The following TNR variants were observed in gnomAD, a reference collection of about 807,000 sequenced individuals.
TNR encodes the protein tenascin R, also known as tenascin-R.
A neutral mutation model predicts 150.4 loss-of-function variants in TNR; 45 were observed. The observed-to-expected ratio is 0.30, with a 90% confidence interval of 0.24 to 0.38. The LOEUF is 0.38. TNR is among the 10% of genes least tolerant of loss of function. TNR has a pLI of 1.00. For missense variants in TNR, 1,544 were observed against 1,759.1 expected, an observed-to-expected ratio of 0.88 and a Z score of 2.19; for synonymous variants, 687 against 678.4, an observed-to-expected ratio of 1.01 and a Z score of -0.20.
intron 2 of TNR, among the ~76,000 whole-genome samples, chr1:175,410,970 G>A (rs1654186336): frequency 6.6e-6 from 1 of 152,184 alleles, no homozygotes; most frequent in Admixed American, 6.5e-5. Flanking sequence ...TTCTTTAGGT[G>A]GAGAAGGCCA....
rs550293775 is a variant in TNR, at chr1:175,609,251, T to C, written c.-164-80882A>G. Among the ~76,000 whole-genome samples the C allele has an allele frequency of 1.8e-4, 28 of 152,284 alleles. 1 individual carries two copies. The highest frequency in any genetic ancestry group is 6.0e-4 in the African/African-American group (25 of 41,558). ...CATCTGTAACCCAGTTTGACTTATA[T>C]AAATATTAAACACAAATCAATAATC... On this transcript the variant is annotated intron_variant, in intron 1 of 22. Transcript: ENST00000367674.
intron 1 of TNR, among the ~76,000 whole-genome samples, chr1:175,536,752 T>A (rs1376446774): frequency 6.6e-6 from 1 of 152,202 alleles, no homozygotes; most frequent in African/African-American, 2.4e-5. Flanking sequence ...TTTTTGGTCA[T>A]CTCTTCCAGG....
intron 20 of TNR, among the ~76,000 whole-genome samples, chr1:175,330,766 A>G (rs1649706554): frequency 6.6e-6 from 1 of 152,224 alleles, no homozygotes; most frequent in South Asian, 2.1e-4. Flanking sequence ...CTGGGGCTCC[A>G]TAGCCAGGTC....
At position 175,628,810 on chromosome 1, in the gene TNR, A is replaced by G. The variant is rs577805882; in HGVS notation, c.-164-100441T>C. 4.1e-4 allele frequency among the ~76,000 whole-genome samples: 62 copies of G among 152,332 alleles called. 1 individual carries two copies. The South Asian group carries it at 0.013, about 32-fold the overall frequency. On this transcript the variant is annotated intron_variant, in intron 1 of 22. Transcript: ENST00000367674. Reference sequence around the variant, plus strand: ...AAGAGAAGCCCATCCATCGTCTTCAATGGTGGTGCCAATTCATTCCACTTG... The same window carrying G: ...AAGAGAAGCCCATCCATCGTCTTCAGTGGTGGTGCCAATTCATTCCACTTG...
At chr1:175,583,576 G>A (rs945938254) in intron 1 of TNR, among the ~76,000 whole-genome samples, 4 of 152,178 alleles carry the variant, frequency 2.6e-5, no homozygotes, top group African/African-American at 9.7e-5. Context: ...CAGAAGAGGA[G>A]GGCACTGGGA....
At chr1:175,517,012 TGAGAGAGAGAGA>T (rs58416273) in intron 2 of TNR, among the ~76,000 whole-genome samples, 5,830 of 120,468 alleles carry the variant, frequency 0.048, 241 homozygotes, top group African/African-American at 0.13. Flanking sequence ...ATCTGAAAGC[TGAGAGAGAGAGA>T]GAGAGAGAGA....
intron 1 of TNR, among the ~76,000 whole-genome samples, chr1:175,736,923 A>G (rs1474103151): frequency 6.6e-6 from 1 of 152,050 alleles, no homozygotes; most frequent in Non-Finnish European, 1.5e-5. Context: ...CAGGGGGCTG[A>G]GGTGGAGGGA....
chr1:175,433,454 C>A (rs959475423), intron 2 of TNR, among the ~76,000 whole-genome samples: 11 of 152,166 alleles, frequency 7.2e-5, no homozygotes, highest in African/African-American at 2.7e-4. Flanking sequence ...TCCAACAAAC[C>A]CTTCACAGAA....
At chr1:175,354,329 T>G in intron 18 of TNR, 62 bp downstream of exon 18, 1 of 1,591,086 alleles carries the variant, frequency 6.3e-7, no homozygotes. Flanking sequence ...CAGCAGAGGC[T>G]GCTGATGAGC....
intron 19 of TNR, 50 bp downstream of exon 19, chr1:175,337,478 C>G (rs1396917689): frequency 1.2e-6 from 2 of 1,609,400 alleles, no homozygotes; most frequent in East Asian, 4.5e-5. Flanking sequence ...GCTAGGTAGA[C>G]TAGAACACTG....
chr1:175,736,833 T>G (rs1418195698), intron 1 of TNR, among the ~76,000 whole-genome samples: 1 of 150,924 alleles, frequency 6.6e-6, no homozygotes, highest in Non-Finnish European at 1.5e-5. Flanking sequence ...GGGCAATATA[T>G]CAAGACCTCC....
chr1:175,358,227 T>C (rs1245794927), intron 15 of TNR, among the ~76,000 whole-genome samples: 1 of 152,206 alleles, frequency 6.6e-6, no homozygotes, highest in Non-Finnish European at 1.5e-5. Context: ...ATGCTATCCC[T>C]TCTTCATGGA....
intron 1 of TNR, among the ~76,000 whole-genome samples, chr1:175,571,979 AAGGAAACAAACACCCT>A (rs1445444047): frequency 6.6e-6 from 1 of 152,122 alleles, no homozygotes; most frequent in East Asian, 1.9e-4. Flanking sequence ...TAAAACAAAT[AAGGAAACAAACACCCT>A]AGGTGTTTGT....
At chr1:175,673,949 G>C (rs554887902) in intron 1 of TNR, among the ~76,000 whole-genome samples, 18 of 152,372 alleles carry the variant, frequency 1.2e-4, no homozygotes, top group South Asian at 8.3e-4. Flanking sequence ...CCTAGGAGGT[G>C]CTGGAGGCAC....
intron 15 of TNR, among the ~76,000 whole-genome samples, chr1:175,358,058 G>A (rs1478812367): frequency 6.6e-6 from 1 of 152,178 alleles, no homozygotes; most frequent in Non-Finnish European, 1.5e-5. Flanking sequence ...GGCAAATGGG[G>A]GAGTTTCCTG....
In TNR at chr1:175,379,659, G is replaced by C; in HGVS notation, c.1856C>G (p.Ala619Gly). ...SLDLEWDNSE[A>G]EVQEYKVVYS... is the part of the protein sequence containing the mutation. ...CACAACCTTGTACTCCTGAACTTCG[G>C]CTTCACTGTTATCCCACTCGAGGTC... Residue 619 changes from alanine to glycine, a missense_variant, in exon 9 of 23, where the codon GCC becomes GGC. Physicochemically the swap from Ala to Gly is moderately conservative, Grantham distance 60. Transcript: ENST00000367674. 1.2e-6 allele frequency: 2 copies of C among 1,614,176 alleles called. No homozygotes were observed. The highest frequency in any genetic ancestry group is 1.7e-6 in the Non-Finnish European group (2 of 1,180,032).
intron 1 of TNR, among the ~76,000 whole-genome samples, chr1:175,588,058 GA>G (rs1185499684): frequency 2.0e-5 from 3 of 152,310 alleles, no homozygotes; most frequent in South Asian, 4.1e-4. Flanking sequence ...AGAGGGATTG[GA>G]TTTGTCTTGC....
intron 1 of TNR, among the ~76,000 whole-genome samples, chr1:175,686,932 A>C (rs1475550163): frequency 6.6e-6 from 1 of 152,128 alleles, no homozygotes; most frequent in African/African-American, 2.4e-5. Context: ...GCTACTGTGG[A>C]TAGTGCTGTG....
At chr1:175,696,027 T>C (rs1175206123) in intron 1 of TNR, among the ~76,000 whole-genome samples, 1 of 152,224 alleles carries the variant, frequency 6.6e-6, no homozygotes, top group Non-Finnish European at 1.5e-5. Context: ...GATAGATTAA[T>C]ATTAGCCAAT....
Sources: allele counts gnomAD v4.1 joint callset (sites outside exome capture counted in the v4.1 genomes callset), GRCh38; gene constraint gnomAD v4.1.1; transcripts MANE v1.5; gene names NCBI Gene and HGNC (gene_info 2026-07-23, HGNC 2026-07-21).